HSPA12A: variants seen among roughly 807,000 people sequenced by gnomAD.
HSPA12A encodes the protein heat shock protein family A (Hsp70) member 12A.
In HSPA12A, 28 loss-of-function variants were observed where a neutral mutation model predicts 69.2. The observed-to-expected ratio is 0.40, with a 90% CI of 0.30 to 0.55. HSPA12A has a LOEUF of 0.55. HSPA12A is among the 20% of genes least tolerant of loss of function. HSPA12A has a pLI of 0.38. For synonymous variants in HSPA12A, 345 were observed against 370.5 expected, an observed-to-expected ratio of 0.93 and a Z score of 0.79; for missense variants, 686 against 900.7, an observed-to-expected ratio of 0.76 and a Z score of 3.05.
At position 116,720,477 on chromosome 10, in the gene HSPA12A, C is replaced by T. The variant is rs575111814; in HGVS notation, c.41-13192G>A. ...CCCTAGTCAGACAGCTGCAGTTTCA[C>T]TCTTCCCCTAGATGCTGGGAAGCTG... On this transcript the variant is annotated intron_variant, in intron 1 of 11. Coordinates refer to ENST00000369209, the MANE Select transcript of HSPA12A (RefSeq NM_025015.3). 3.2e-4 allele frequency among the ~76,000 whole-genome samples: 49 copies of T among 152,362 alleles called. No homozygotes were observed. In the South Asian group the frequency reaches 5.8e-3, roughly 18 times the overall value.
intron 9 of HSPA12A, among the ~76,000 whole-genome samples, chr10:116,680,902 C>T (rs532961320): frequency 1.7e-3 from 254 of 152,338 alleles, no homozygotes; most frequent in Non-Finnish European, 3.0e-3. Context: ...CAGAAACCAG[C>T]GCCCTTGGCC....
At chr10:116,737,004 A>G (rs1000325238) in intron 1 of HSPA12A, among the ~76,000 whole-genome samples, 1 of 152,172 alleles carries the variant, frequency 6.6e-6, no homozygotes, top group Non-Finnish European at 1.5e-5. Flanking sequence ...TTCAATGTCT[A>G]CTTCATGCCC....
At chr10:116,701,712 T>G (rs1186488157) in intron 3 of HSPA12A, among the ~76,000 whole-genome samples, 1 of 152,136 alleles carries the variant, frequency 6.6e-6, no homozygotes, top group African/African-American at 2.4e-5. Flanking sequence ...AGCCGGGGCA[T>G]TCGTGGAGAA....
At chr10:116,786,468 G>C (rs998443497) in intron 2 of HSPA12A, among the ~76,000 whole-genome samples, 1 of 151,576 alleles carries the variant, frequency 6.6e-6, no homozygotes, top group Non-Finnish European at 1.5e-5. Flanking sequence ...TAGTGCTTTT[G>C]TCAGAATCTC....
At chr10:116,720,367 G>A (rs1297158885) in intron 1 of HSPA12A, among the ~76,000 whole-genome samples, 3 of 152,198 alleles carry the variant, frequency 2.0e-5, no homozygotes, top group Non-Finnish European at 4.4e-5. Context: ...CTCCAACTGG[G>A]GCTGGGGCAA....
intron 6 of HSPA12A, among the ~76,000 whole-genome samples, chr10:116,685,169 T>G (rs1351107092): frequency 6.6e-6 from 1 of 152,208 alleles, no homozygotes; most frequent in Non-Finnish European, 1.5e-5. Flanking sequence ...TCAAGTTCTG[T>G]ATCAGACCCC....
intron 8 of HSPA12A, 84 bp downstream of exon 8, chr10:116,681,707 A>C: frequency 4.0e-6 from 5 of 1,259,264 alleles, no homozygotes; most frequent in Non-Finnish European, 5.7e-6. Context: ...ATTTTCCAAA[A>C]GTGCAAAAGG....
At chr10:116,711,140 T>C (rs1850413791) in intron 1 of HSPA12A, among the ~76,000 whole-genome samples, 1 of 152,184 alleles carries the variant, frequency 6.6e-6, no homozygotes, top group Admixed American at 6.5e-5. Flanking sequence ...TGGCTGTCAA[T>C]TATACAGAGG....
At chr10:116,756,825 T>C (rs1405495609) in intron 2 of HSPA12A, among the ~76,000 whole-genome samples, 2 of 152,058 alleles carry the variant, frequency 1.3e-5, no homozygotes, top group Non-Finnish European at 2.9e-5. Context: ...CAGTGGGAGA[T>C]GGAAAACAAG....
intron 1 of HSPA12A, among the ~76,000 whole-genome samples, chr10:116,711,603 TAC>T (rs1290375458): frequency 6.6e-6 from 1 of 151,828 alleles, no homozygotes; most frequent in African/African-American, 2.4e-5. Flanking sequence ...AATCCCATAA[TAC>T]AGAGAGAGTC....
chr10:116,722,222 G>T (rs373665018), intron 1 of HSPA12A, among the ~76,000 whole-genome samples: 7 of 152,268 alleles, frequency 4.6e-5, no homozygotes, highest in African/African-American at 1.7e-4. Context: ...TGCTCCAGAC[G>T]GGTCAGGCGC....
chr10:116,827,617 G>T (rs745923702), intron 2 of HSPA12A: 2 of 152,304 alleles, frequency 1.3e-5, no homozygotes, highest in Non-Finnish European at 2.9e-5. Context: ...CAGGGCCAGC[G>T]CAGTGGTGGG....
Position 116,707,149 on chromosome 10 carries a change from GCGCGCACACA to G in HSPA12A, c.126+41_126+50del, listed in dbSNP as rs781812027. The G allele has an allele frequency of 3.7e-3, 1,631 of 445,876 alleles. 6 individuals are homozygous for G. The highest frequency in any genetic ancestry group is 0.016 in the East Asian group (230 of 14,170). The allele number at this position is 445,876 out of a possible 1,614,324, so 27.6% of individuals were successfully genotyped here. A position where few individuals can be genotyped will look rare whatever the true frequency, so the allele number is the denominator to read the frequency against. Reference sequence around the variant, plus strand: ...CGCACGTGTGCTCATGCGCACCCATGCGCGCACACACACACACACACACACACACACACAC... The same window carrying G: ...CGCACGTGTGCTCATGCGCACCCATGCACACACACACACACACACACACAC... On this transcript the variant is annotated intron_variant, in intron 2 of 11. Transcript: ENST00000369209.
chr10:116,763,563 G>A (rs1296301591), intron 2 of HSPA12A, among the ~76,000 whole-genome samples: 1 of 152,186 alleles, frequency 6.6e-6, no homozygotes, highest in Non-Finnish European at 1.5e-5. Flanking sequence ...CCCAGAATCT[G>A]GGTGGAACTG....
chr10:116,715,465 C>G (rs1409279614), intron 1 of HSPA12A, among the ~76,000 whole-genome samples: 2 of 152,116 alleles, frequency 1.3e-5, no homozygotes, highest in Non-Finnish European at 2.9e-5. Context: ...TTTAAAAGAG[C>G]CCTTGTCCTC....
intron 1 of HSPA12A, chr10:116,835,245 C>G (rs1845689097): frequency 7.3e-6 from 2 of 272,630 alleles, no homozygotes; most frequent in Non-Finnish European, 1.4e-5. Flanking sequence ...CCCTGAGTCT[C>G]AGATGTTTTC....
chr10:116,786,726 G>A (rs1844584548), intron 2 of HSPA12A, among the ~76,000 whole-genome samples: 2 of 152,026 alleles, frequency 1.3e-5, no homozygotes, highest in African/African-American at 4.8e-5. Flanking sequence ...TGCAACCTCT[G>A]CCTCCCAGGT....
chr10:116,724,249 G>A (rs1850876297), intron 1 of HSPA12A, among the ~76,000 whole-genome samples: 1 of 152,102 alleles, frequency 6.6e-6, no homozygotes, highest in African/African-American at 2.4e-5. Flanking sequence ...AGACCAGAAG[G>A]CCACCACCAC....
At chr10:116,849,482 C>G in intron 1 of HSPA12A, 1 of 1,417,880 alleles carries the variant, frequency 7.1e-7, no homozygotes, top group Non-Finnish European at 9.2e-7. Context: ...ATCTGGGGGT[C>G]GGGATCACGT....
Sources: gnomAD v4.1 joint callset for allele counts (sites outside exome capture counted in the v4.1 genomes callset) on GRCh38, gnomAD v4.1.1 for gene constraint, MANE v1.5 for transcripts, NCBI Gene and HGNC (gene_info 2026-07-23, HGNC 2026-07-21) for gene names.